SNAP25: variants seen among roughly 807,000 people sequenced by gnomAD.
SNAP25 encodes the protein synaptosome associated protein 25.
In SNAP25, 3 loss-of-function variants were observed where a neutral mutation model predicts 28.7. The observed-to-expected ratio is 0.10, with a 90% CI of 0.05 to 0.27. SNAP25 has a LOEUF of 0.27. Among genes scored for constraint, SNAP25 ranks in the 10% least tolerant of loss-of-function variants. SNAP25 has a pLI of 1.00. For missense variants in SNAP25, 117 were observed against 278.7 expected, an observed-to-expected ratio of 0.42 and a Z score of 4.13; for synonymous variants, 61 against 88.1, an observed-to-expected ratio of 0.69 and a Z score of 1.72.
At chr20:10,270,525 C>T (rs1003240300) in intron 1 of SNAP25, among the ~76,000 whole-genome samples, 1 of 151,946 alleles carries the variant, frequency 6.6e-6, no homozygotes, top group Non-Finnish European at 1.5e-5. Context: ...ATGGTGAAAC[C>T]CTATCTCTAC....
chr20:10,269,637 T>A (rs1213322040), intron 1 of SNAP25, among the ~76,000 whole-genome samples: 1 of 152,218 alleles, frequency 6.6e-6, no homozygotes, highest in African/African-American at 2.4e-5. Flanking sequence ...AACCAGGTAG[T>A]AACTATTTTC....
intron 4 of SNAP25, among the ~76,000 whole-genome samples, chr20:10,288,300 G>A (rs181592382): frequency 1.3e-5 from 2 of 152,136 alleles, no homozygotes; most frequent in African/African-American, 4.8e-5. Flanking sequence ...ATGGAGGGTA[G>A]ACTTAGGAAA....
intron 1 of SNAP25, among the ~76,000 whole-genome samples, chr20:10,230,674 T>C (rs2062813598): frequency 6.6e-6 from 1 of 152,188 alleles, no homozygotes; most frequent in Admixed American, 6.5e-5. Flanking sequence ...TTGTTGTTCC[T>C]TCAAACCTTC....
At chr20:10,260,792 A>G (rs886547802) in intron 1 of SNAP25, among the ~76,000 whole-genome samples, 18 of 152,086 alleles carry the variant, frequency 1.2e-4, no homozygotes, top group Admixed American at 1.3e-4. Context: ...TTTCTAGCCA[A>G]TTTTTACATT....
intron 1 of SNAP25, among the ~76,000 whole-genome samples, chr20:10,259,809 T>C (rs1175288106): frequency 6.6e-6 from 1 of 152,192 alleles, no homozygotes; most frequent in Non-Finnish European, 1.5e-5. Context: ...AATGCTAGGA[T>C]TATAGGCTTG....
rs544934930 is a variant in SNAP25 at position 10,222,189 on chromosome 20, T to G, written c.-64+3212T>G. ...TCTTGACCTCAATAAGTTTAGCATCTAGCAATCTTAATAAAAGCAATAAAC... is the reference window on the plus strand; with the variant it reads ...TCTTGACCTCAATAAGTTTAGCATCGAGCAATCTTAATAAAAGCAATAAAC... On this transcript the variant is annotated intron_variant, in intron 1 of 7. Transcript: ENST00000254976. 2.0e-5 allele frequency among the ~76,000 whole-genome samples: 3 copies of G among 152,354 alleles called. No homozygotes were observed. In the South Asian group the frequency reaches 6.2e-4, roughly 32 times the overall value.
intron 3 of SNAP25, among the ~76,000 whole-genome samples, chr20:10,283,309 C>T (rs137884695): frequency 1.2e-3 from 182 of 152,284 alleles, no homozygotes; most frequent in African/African-American, 4.0e-3. Context: ...CAAAGGAGAA[C>T]GGAGGCACAG....
chr20:10,228,395 A>G (rs117874207), intron 1 of SNAP25, among the ~76,000 whole-genome samples: 5,858 of 152,232 alleles, frequency 0.038, 131 homozygotes, highest in Non-Finnish European at 0.055. Flanking sequence ...CACAAAATAC[A>G]TTGAGATCCT....
chr20:10,274,391 T>A (rs542373892), intron 1 of SNAP25, among the ~76,000 whole-genome samples: 59 of 152,226 alleles, frequency 3.9e-4, no homozygotes, highest in Non-Finnish European at 6.6e-4. Flanking sequence ...GGAACACTAT[T>A]CAACAACAAA....
At chr20:10,304,508 G>A (rs887587362) in intron 7 of SNAP25, among the ~76,000 whole-genome samples, 3 of 152,056 alleles carry the variant, frequency 2.0e-5, no homozygotes, top group Non-Finnish European at 4.4e-5. Context: ...GTAAGCTGGA[G>A]AAAAGAAAAT....
chr20:10,291,749 GGCAT>G (rs1299178606), intron 4 of SNAP25, among the ~76,000 whole-genome samples: 2 of 152,114 alleles, frequency 1.3e-5, no homozygotes, highest in Non-Finnish European at 2.9e-5. Flanking sequence ...TTGTATTCTA[GGCAT>G]GCCTTTATTC....
At chr20:10,292,148 C>A (rs1192168796) in intron 4 of SNAP25, among the ~76,000 whole-genome samples, 2 of 152,156 alleles carry the variant, frequency 1.3e-5, no homozygotes, top group Non-Finnish European at 2.9e-5. Flanking sequence ...GAGCATGACC[C>A]CCATTATAGA....
At chr20:10,256,133 G>T (rs1196818942) in intron 1 of SNAP25, among the ~76,000 whole-genome samples, 2 of 152,196 alleles carry the variant, frequency 1.3e-5, no homozygotes, top group East Asian at 3.9e-4. Flanking sequence ...CCATAAATGA[G>T]TAAGAGTTAA....
intron 6 of SNAP25, among the ~76,000 whole-genome samples, chr20:10,298,333 T>C (rs1234193656): frequency 6.6e-6 from 1 of 152,220 alleles, no homozygotes; most frequent in Non-Finnish European, 1.5e-5. Flanking sequence ...CCTTTAGTTT[T>C]TTAATTTTCT....
At chr20:10,268,034 G>T (rs1050384832) in intron 1 of SNAP25, among the ~76,000 whole-genome samples, 1 of 152,158 alleles carries the variant, frequency 6.6e-6, no homozygotes, top group African/African-American at 2.4e-5. Flanking sequence ...TATGCACAGC[G>T]TGTGTCACTG....
At chr20:10,281,395 CAA>C (rs1347948257) in intron 3 of SNAP25, among the ~76,000 whole-genome samples, 1 of 152,166 alleles carries the variant, frequency 6.6e-6, no homozygotes, top group Non-Finnish European at 1.5e-5. Context: ...AAGCTGTCAG[CAA>C]AAGAGTGGAG....
At chr20:10,241,524 G>C (rs1364755211) in intron 1 of SNAP25, among the ~76,000 whole-genome samples, 1 of 152,102 alleles carries the variant, frequency 6.6e-6, no homozygotes, top group Non-Finnish European at 1.5e-5. Flanking sequence ...CAGTCAGACA[G>C]ATGGACAAGA....
intron 4 of SNAP25, among the ~76,000 whole-genome samples, chr20:10,292,171 G>C (rs1204933309): frequency 6.6e-6 from 1 of 152,154 alleles, no homozygotes; most frequent in Admixed American, 6.6e-5. Context: ...TGGAAATCAG[G>C]GGGCAGAGAA....
intron 3 of SNAP25, among the ~76,000 whole-genome samples, chr20:10,278,449 G>C (rs1038380170): frequency 6.6e-6 from 1 of 152,122 alleles, no homozygotes; most frequent in Non-Finnish European, 1.5e-5. Flanking sequence ...AGCAGCAGTC[G>C]GCCAGGCAAA....
Sources: gnomAD v4.1 joint callset for allele counts (sites outside exome capture counted in the v4.1 genomes callset) on GRCh38, gnomAD v4.1.1 for gene constraint, MANE v1.5 for transcripts, NCBI Gene and HGNC (gene_info 2026-07-23, HGNC 2026-07-21) for gene names.